BRAF: variants seen among roughly 807,000 people sequenced by gnomAD.
BRAF encodes B-Raf proto-oncogene, serine/threonine kinase.
Under a neutral mutation model 104.6 loss-of-function variants are expected in BRAF, and 16 were observed. That is an observed-to-expected ratio of 0.15 (90% CI 0.10 to 0.23). The LOEUF is 0.23. Ranked by LOEUF, BRAF falls within the 10% of genes least tolerant of loss-of-function variation. The pLI is 1.00. For synonymous variants in BRAF, 310 were observed against 341.6 expected, an observed-to-expected ratio of 0.91 and a Z score of 1.02; for missense variants, 541 against 937.3, an observed-to-expected ratio of 0.58 and a Z score of 5.52.
intron 1 of BRAF, among the ~76,000 whole-genome samples, chr7:140,863,692 G>A (rs1199335811): frequency 6.6e-6 from 1 of 152,130 alleles, no homozygotes; most frequent in Non-Finnish European, 1.5e-5. Context: ...CTTTTGATGA[G>A]TGAGTTCTCA....
rs1282676253 is a variant in BRAF at position 140,769,917 on chromosome 7, CT to C, written c.1814+6994del. ...ATTGTTTCCTATAATACATCTCTTT[CT>C]GTATACACGACTTGGAACAAAAGCT... On this transcript the variant is annotated intron_variant, in intron 14 of 19. Coordinates refer to ENST00000644969, the MANE Select transcript of BRAF (RefSeq NM_001374258.1). Among the ~76,000 whole-genome samples, 4 of 152,236 alleles carry C rather than the reference CT, an allele frequency of 2.6e-5. No individual in the cohort carries two copies. The South Asian group carries it at 8.3e-4, about 32-fold the overall frequency.
chr7:140,726,705 A>T (rs1795616547), intron 19 of BRAF, among the ~76,000 whole-genome samples: 1 of 152,236 alleles, frequency 6.6e-6, no homozygotes, highest in African/African-American at 2.4e-5. Context: ...AGTATACAGA[A>T]TATGGTTCAG....
chr7:140,762,650 C>T (rs1207637619), intron 14 of BRAF, among the ~76,000 whole-genome samples: 18 of 135,136 alleles, frequency 1.3e-4, no homozygotes, highest in South Asian at 7.2e-4. Context: ...GGGTGTTTCT[C>T]GCAGAGGGGT....
chr7:140,734,774 C>CAAAAAA lies in BRAF; in HGVS notation c.2248-10_2248-5dup. 2 of 772,598 alleles carry CAAAAAA rather than the reference C, an allele frequency of 2.6e-6. No individual in the cohort carries two copies. Among genetic ancestry groups the CAAAAAA allele is most frequent in the Admixed American group, 5.8e-5 (1 of 17,100 alleles). 47.9% of individuals were successfully genotyped at this position (772,598 alleles called of 1,614,324 possible). A position where few individuals can be genotyped will look rare whatever the true frequency, so the allele number is the denominator to read the frequency against. On this transcript the variant is annotated splice_region_variant and splice_polypyrimidine_tract_variant and intron_variant, in intron 18 of 19. Transcript: ENST00000644969. ...GCAGCTCAATAGAGGCGAGAATCTA[C>CAAAAAA]AAAAAAAAAAAGAAAAAAAAAAGAA...
chr7:140,785,616 G>A lies in BRAF; in HGVS notation c.1297+73C>T, dbSNP rs140010652. On this transcript the variant is annotated intron_variant, in intron 10 of 19. Transcript: ENST00000644969. ...ACTTACAAACACACGCTGTGAGGGT[G>A]AGGCACAAACAGCATCTGTAGTTTT... is the stretch of plus-strand genomic sequence containing the variant. 426 of 397,784 alleles carry A rather than the reference G, an allele frequency of 1.1e-3. 1 individual carries two copies. Among genetic ancestry groups the A allele is most frequent in the African/African-American group, 7.6e-3 (370 of 48,732 alleles). 24.6% of individuals were successfully genotyped at this position (397,784 alleles called of 1,614,324 possible).
intron 17 of BRAF, among the ~76,000 whole-genome samples, chr7:140,745,040 T>C (rs1239956233): frequency 6.6e-6 from 1 of 152,024 alleles, no homozygotes; most frequent in Admixed American, 6.6e-5. Context: ...ACAGAAACAA[T>C]ACAAATAGTT....
At chr7:140,756,173 G>A (rs1586027229) in intron 14 of BRAF, among the ~76,000 whole-genome samples, 2 of 152,204 alleles carry the variant, frequency 1.3e-5, no homozygotes, top group Admixed American at 1.3e-4. Flanking sequence ...GATATACCCA[G>A]CATAGAAGTT....
intron 1 of BRAF, among the ~76,000 whole-genome samples, chr7:140,903,663 T>C (rs142340110): frequency 1.3e-5 from 2 of 152,362 alleles, no homozygotes; most frequent in East Asian, 3.9e-4. Flanking sequence ...ATTACTCTGA[T>C]GGATCTGGGC....
At position 140,808,737 on chromosome 7, in the gene BRAF, C is replaced by T. The variant is rs1230416698; in HGVS notation, c.608+155G>A. The T allele has an allele frequency of 1.5e-5, 10 of 669,784 alleles. No individual in the cohort carries two copies. The East Asian group carries it at 2.5e-4, about 17-fold the overall frequency. The allele number at this position is 669,784 out of a possible 1,614,324, so 41.5% of individuals were successfully genotyped here. ...ATTATTTAACTCCTCATATGGCCTACAGTATTTCTTCAGGCTAACTTAGTA... is the reference window on the plus strand; with the variant it reads ...ATTATTTAACTCCTCATATGGCCTATAGTATTTCTTCAGGCTAACTTAGTA... On this transcript the variant is annotated intron_variant, in intron 4 of 19. Transcript: ENST00000644969.
At position 140,723,931 on chromosome 7, in the gene BRAF, T is replaced by C. The variant is rs959245337; in HGVS notation, c.*2563A>G. 106 of 1,041,676 alleles carry C rather than the reference T, an allele frequency of 1.0e-4. No homozygotes were observed. The highest frequency in any genetic ancestry group is 1.2e-4 in the Non-Finnish European group (104 of 864,240). The allele number at this position is 1,041,676 out of a possible 1,614,324, so 64.5% of individuals were successfully genotyped here. A position where few individuals can be genotyped will look rare whatever the true frequency, so the allele number is the denominator to read the frequency against. On this transcript the variant is annotated 3_prime_UTR_variant, in exon 20 of 20. Transcript: ENST00000644969. ...AAGCAGATAAAACACAAATAAAACC[T>C]ATTTTCATGTCATTTGTAAACTAGA...
chr7:140,919,960 A>G (rs1818040153), intron 1 of BRAF, among the ~76,000 whole-genome samples: 1 of 152,058 alleles, frequency 6.6e-6, no homozygotes, highest in Non-Finnish European at 1.5e-5. Context: ...CTCCCATCTC[A>G]GCTTCCCAAG....
intron 1 of BRAF, among the ~76,000 whole-genome samples, chr7:140,851,050 C>G (rs1415637889): frequency 6.6e-6 from 1 of 152,096 alleles, no homozygotes; most frequent in Non-Finnish European, 1.5e-5. Context: ...AAATTAAGAG[C>G]AGGACCATAT....
At position 140,719,660 on chromosome 7, in the gene BRAF, G is replaced by A. The variant is rs1396477704; in HGVS notation, c.*6834C>T. ...AGATTCAAGCAAACATTGAGAATAG[G>A]GGAAAAGAGGGAGACATCATCCATT... is the stretch of plus-strand genomic sequence containing the variant. On this transcript the variant is annotated 3_prime_UTR_variant, in exon 20 of 20. Transcript: ENST00000644969. 5.7e-6 allele frequency: 6 copies of A among 1,061,116 alleles called. No individual in the cohort carries two copies. The East Asian group carries it at 2.5e-4, about 45-fold the overall frequency. The allele number at this position is 1,061,116 out of a possible 1,614,324, so 65.7% of individuals were successfully genotyped here.
intron 3 of BRAF, 186 bp downstream of exon 3, chr7:140,834,423 A>G: frequency 1.2e-6 from 1 of 846,302 alleles, no homozygotes; most frequent in South Asian, 1.8e-5. Flanking sequence ...AGACAATACC[A>G]TTTATTTCAG....
intron 1 of BRAF, among the ~76,000 whole-genome samples, chr7:140,859,569 T>A (rs1180628086): frequency 1.3e-5 from 2 of 152,286 alleles, no homozygotes; most frequent in East Asian, 3.9e-4. Flanking sequence ...TATCCTTTTA[T>A]GGGAAGATTC....
chr7:140,766,151 G>T (rs1799297193), intron 14 of BRAF, among the ~76,000 whole-genome samples: 1 of 152,106 alleles, frequency 6.6e-6, no homozygotes, highest in Middle Eastern at 3.2e-3. Context: ...GGACATGGAT[G>T]AAATTGGAAA....
chr7:140,754,015 A>G, intron 15 of BRAF, 172 bp downstream of exon 14: 3 of 676,774 alleles, frequency 4.4e-6, no homozygotes, highest in East Asian at 5.5e-5. Flanking sequence ...AGAAACCAAA[A>G]GCAGGCTGTG....
intron 1 of BRAF, among the ~76,000 whole-genome samples, chr7:140,890,178 C>A (rs566029193): frequency 1.3e-5 from 2 of 152,232 alleles, no homozygotes; most frequent in African/African-American, 4.8e-5. Context: ...ACCAGAGAAT[C>A]AAATGGAATC....
chr7:140,879,879 G>A (rs975190452), intron 1 of BRAF, among the ~76,000 whole-genome samples: 15 of 151,908 alleles, frequency 9.9e-5, no homozygotes, highest in African/African-American at 3.6e-4. Context: ...TTACAGGTGC[G>A]TGCCACCACG....
Sources: gnomAD v4.1 joint callset for allele counts (sites outside exome capture counted in the v4.1 genomes callset) on GRCh38, gnomAD v4.1.1 for gene constraint, MANE v1.5 for transcripts, NCBI Gene and HGNC (gene_info 2026-07-23, HGNC 2026-07-21) for gene names.